TET3: variants seen among roughly 807,000 people sequenced by gnomAD.
The protein encoded by TET3 is tet methylcytosine dioxygenase 3, also known as methylcytosine dioxygenase TET3.
Under a neutral mutation model 141.4 loss-of-function variants are expected in TET3, and 19 were observed. The observed-to-expected ratio is 0.13, with a 90% CI of 0.09 to 0.20. The LOEUF is 0.20. TET3 is among the 10% of genes least tolerant of loss of function. TET3 has a pLI of 1.00. For missense variants in TET3, 1,874 were observed against 2,356.9 expected (o/e 0.80, Z 4.24); for synonymous variants, 1,043 against 980.9 (o/e 1.06, Z -1.18).
intron 4 of TET3, among the ~76,000 whole-genome samples, chr2:74,058,247 T>C (rs558575964): frequency 1.3e-5 from 2 of 152,286 alleles, no homozygotes; most frequent in South Asian, 4.1e-4. Context: ...AAATGAACAG[T>C]ATCACTGTGG....
At chr2:74,045,130 A>T (rs4853007) in intron 3 of TET3, among the ~76,000 whole-genome samples, 10 of 151,950 alleles carry the variant, frequency 6.6e-5, no homozygotes, top group Non-Finnish European at 1.0e-4. Flanking sequence ...TTTTGGCAGG[A>T]GTTCTATGTG....
chr2:74,067,721 GA>G (rs543563229), intron 4 of TET3, among the ~76,000 whole-genome samples: 2 of 151,644 alleles, frequency 1.3e-5, no homozygotes, highest in Admixed American at 6.6e-5. Context: ...GAAAGAAAGG[GA>G]AAAAAAATGA....
intron 3 of TET3, among the ~76,000 whole-genome samples, chr2:74,041,090 T>C (rs1687312590): frequency 6.6e-6 from 1 of 152,176 alleles, no homozygotes; most frequent in Non-Finnish European, 1.5e-5. Context: ...TGCTTTTCTT[T>C]TCCGCATCTC....
intron 4 of TET3, among the ~76,000 whole-genome samples, chr2:74,052,597 C>T (rs1046153988): frequency 3.4e-5 from 5 of 149,188 alleles, no homozygotes; most frequent in South Asian, 2.1e-4. Flanking sequence ...GGGGCCCGGG[C>T]GCTGTGGCTC....
rs371898753 is a variant in TET3, at chr2:74,101,390, G to T, written c.4602G>T (p.Pro1534=). 1.4e-3 allele frequency: 2,246 copies of T among 1,613,820 alleles called. 4 individuals carry two copies. The highest frequency in any genetic ancestry group is 1.7e-3 in the Non-Finnish European group (2,044 of 1,179,878). Residue 1534 remains proline (P), a synonymous_variant, in exon 12 of 12, where the codon CCG becomes CCT. Transcript: ENST00000409262. This position sits in a 1 kb window ranked among gnomAD's most constrained non-coding sequence, Gnocchi z 8.5. Reference sequence around the variant, plus strand: ...CTGGGCCCAGCCTGACTGAGAAGCCGTGGGCGCTGGGGGCAGGGGATTTCA... The same window carrying T: ...CTGGGCCCAGCCTGACTGAGAAGCCTTGGGCGCTGGGGGCAGGGGATTTCA... The part of the protein sequence containing the change: ...ALAGPSLTEK[P]WALGAGDFNS...
chr2:74,078,953 T>C (rs925793519), intron 5 of TET3, among the ~76,000 whole-genome samples: 4 of 152,236 alleles, frequency 2.6e-5, no homozygotes, highest in Admixed American at 2.6e-4. Flanking sequence ...TAAGGAAATC[T>C]GTCGCTTTCC....
intron 8 of TET3, among the ~76,000 whole-genome samples, chr2:74,092,474 C>T (rs1690555580): frequency 1.3e-5 from 2 of 152,134 alleles, no homozygotes; most frequent in Non-Finnish European, 2.9e-5. Flanking sequence ...GAATTTCTAG[C>T]ATGGATCCTG....
chr2:74,094,384 G>A (rs112328966), intron 10 of TET3, among the ~76,000 whole-genome samples: 17 of 152,286 alleles, frequency 1.1e-4, no homozygotes, highest in African/African-American at 3.9e-4. Flanking sequence ...GAGTGGGATT[G>A]GAGAGGCCTG....
intron 3 of TET3, among the ~76,000 whole-genome samples, chr2:74,040,434 A>T (rs920760251): frequency 1.3e-5 from 2 of 152,224 alleles, no homozygotes; most frequent in Admixed American, 1.3e-4. Flanking sequence ...GACTGCACAC[A>T]TTGGAAGAAT....
chr2:74,065,664 T>A (rs773054070), intron 4 of TET3, among the ~76,000 whole-genome samples: 7 of 151,294 alleles, frequency 4.6e-5, no homozygotes, highest in Non-Finnish European at 8.8e-5. Flanking sequence ...TTTTCTTTTT[T>A]CTTTCTTTCT....
chr2:74,064,961 G>A (rs1217734842), intron 4 of TET3, among the ~76,000 whole-genome samples: 1 of 152,168 alleles, frequency 6.6e-6, no homozygotes, highest in African/African-American at 2.4e-5. Context: ...CACACTGGGA[G>A]TTAGTGCCCC....
intron 3 of TET3, among the ~76,000 whole-genome samples, chr2:74,032,117 C>T (rs746186094): frequency 3.7e-4 from 57 of 152,076 alleles, no homozygotes; most frequent in Non-Finnish European, 7.2e-4. Context: ...GGGCTGCTGT[C>T]CTCCTTCTCT....
chr2:74,066,108 C>CT (rs1688884159), intron 4 of TET3, among the ~76,000 whole-genome samples: 1 of 152,126 alleles, frequency 6.6e-6, no homozygotes, highest in African/African-American at 2.4e-5. Context: ...AACCAGAGAG[C>CT]TAGGGGTACT....
At chr2:74,048,453 G>A (rs1427275464) in intron 4 of TET3, 42 bp downstream of exon 4, 1 of 1,535,808 alleles carries the variant, frequency 6.5e-7, no homozygotes, top group Non-Finnish European at 8.8e-7. Flanking sequence ...AGAAAGGGCT[G>A]TGGCCTGGTG....
chr2:74,031,115 G>C (rs796944535), intron 3 of TET3, among the ~76,000 whole-genome samples: 10 of 152,268 alleles, frequency 6.6e-5, no homozygotes, highest in African/African-American at 2.4e-4. Flanking sequence ...CTTTGGGGCT[G>C]TTGGTGCAGG....
At chr2:74,038,796 T>C (rs1366440418) in intron 3 of TET3, among the ~76,000 whole-genome samples, 1 of 152,156 alleles carries the variant, frequency 6.6e-6, no homozygotes, top group African/African-American at 2.4e-5. Context: ...TAGTTGACCA[T>C]ACACTCTTAC....
At chr2:73,986,917 C>A (rs1309787584) in intron 2 of TET3, among the ~76,000 whole-genome samples, 2 of 152,186 alleles carry the variant, frequency 1.3e-5, no homozygotes, top group Non-Finnish European at 1.5e-5. Context: ...GGGATCTGAG[C>A]TAGCACCCTC....
rs374554575 is a variant in TET3, at chr2:74,047,423, C to T, written c.1506C>T (p.Ala502=). Residue 502 remains alanine, a synonymous_variant, in exon 4 of 12, where the codon GCC becomes GCT. Transcript: ENST00000409262. ...CACCCTCTTCCTCCCCGGCCCCGGC[C>T]CCATCCCCTGTACTTCAGAGGGAGG... is the stretch of plus-strand genomic sequence containing the variant. ...VEAPSSSPAP[A]PSPVLQREAP... 3 of 1,612,966 alleles carry T rather than the reference C, an allele frequency of 1.9e-6. No individual in the cohort carries two copies. Among genetic ancestry groups the T allele is most frequent in the Non-Finnish European group, 2.5e-6 (3 of 1,179,808 alleles).
the TET3 span, among the ~76,000 whole-genome samples, chr2:74,134,207 G>T: frequency 2.6e-5 from 4 of 152,112 alleles, no homozygotes; most frequent in Admixed American, 2.6e-4. Flanking sequence ...TTTCCTCACC[G>T]TATCACCTGA....
Sources: allele counts gnomAD v4.1 joint callset (sites outside exome capture counted in the v4.1 genomes callset), GRCh38; gene constraint gnomAD v4.1.1; non-coding constraint Gnocchi (gnomAD v3.1); transcripts MANE v1.5; gene names NCBI Gene and HGNC (gene_info 2026-07-23, HGNC 2026-07-21).